Variants in SHANK2 observed in about 807,000 individuals in gnomAD.
SHANK2 encodes the protein SH3 and multiple ankyrin repeat domains 2, also known as SH3 and multiple ankyrin repeat domains protein 2.
In SHANK2, 43 loss-of-function variants were observed where a neutral mutation model predicts 133.7. The ratio of observed to expected loss-of-function variants is 0.32; its 90% CI spans 0.25 to 0.41. SHANK2 has a LOEUF of 0.41. Among genes scored for constraint, SHANK2 ranks in the 10% least tolerant of loss-of-function variants. The pLI, the probability that SHANK2 is intolerant of heterozygous loss-of-function variation, is 1.00. For missense variants in SHANK2, 1,994 were observed against 2,235.8 expected (o/e 0.89, Z 2.18); for synonymous variants, 1,017 against 952.8 (o/e 1.07, Z -1.24).
intron 9 of SHANK2, among the ~76,000 whole-genome samples, chr11:71,065,640 C>G (rs1951043397): frequency 8.5e-6 from 1 of 117,978 alleles, no homozygotes; most frequent in Non-Finnish European, 1.7e-5. Flanking sequence ...AGAACTCTCC[C>G]AGGGAGATGA....
intron 17 of SHANK2, among the ~76,000 whole-genome samples, chr11:70,610,054 T>C (rs1591645697): frequency 6.7e-6 from 1 of 149,170 alleles, no homozygotes; most frequent in South Asian, 2.1e-4. Flanking sequence ...CAGGGAGGGG[T>C]GAGGGGAGCG....
intron 11 of SHANK2, among the ~76,000 whole-genome samples, chr11:70,822,768 G>C (rs9734461): frequency 0.11 from 3,716 of 34,120 alleles, 517 homozygotes; most frequent in Admixed American, 0.18. Flanking sequence ...GCTGGCAGAG[G>C]TCATGGGGGA....
intron 10 of SHANK2, among the ~76,000 whole-genome samples, chr11:70,926,160 C>T (rs1407928580): frequency 6.6e-6 from 1 of 152,150 alleles, no homozygotes; most frequent in Admixed American, 6.5e-5. Flanking sequence ...GTAGTAACAG[C>T]ACTTTGGGAG....
At chr11:71,086,114 TATATAATATATTAAATTATATA>T (rs1951404898) in intron 8 of SHANK2, among the ~76,000 whole-genome samples, 1 of 46,748 alleles carries the variant, frequency 2.1e-5, no homozygotes, top group Non-Finnish European at 3.5e-5. Flanking sequence ...TATATTATGT[TATATAATATATTAAATTATATA>T]ATATATTATG....
chr11:70,642,396 C>A (rs1474773993), intron 17 of SHANK2, among the ~76,000 whole-genome samples: 4 of 152,198 alleles, frequency 2.6e-5, no homozygotes, highest in Non-Finnish European at 5.9e-5. Context: ...AGCTAACAAA[C>A]CAACCAGTGA....
At chr11:70,568,229 G>A (rs1195302504) in intron 17 of SHANK2, among the ~76,000 whole-genome samples, 4 of 152,232 alleles carry the variant, frequency 2.6e-5, no homozygotes, top group Non-Finnish European at 5.9e-5. Context: ...GAGGAGGCTG[G>A]AGCCAGGGAT....
chr11:70,818,197 A>G (rs1316210316), intron 12 of SHANK2, among the ~76,000 whole-genome samples: 1 of 152,186 alleles, frequency 6.6e-6, no homozygotes, highest in Non-Finnish European at 1.5e-5. Flanking sequence ...CACATACACA[A>G]TGATTCTCTC....
intron 11 of SHANK2, among the ~76,000 whole-genome samples, chr11:70,829,666 G>A (rs899135679): frequency 4.4e-4 from 67 of 152,124 alleles, no homozygotes; most frequent in Non-Finnish European, 1.0e-4. Flanking sequence ...GGAATCCAGG[G>A]AACACCCCCA....
intron 1 of SHANK2, among the ~76,000 whole-genome samples, chr11:71,249,015 A>G (rs1555125433): frequency 6.6e-6 from 1 of 152,196 alleles, no homozygotes; most frequent in Non-Finnish European, 1.5e-5. Flanking sequence ...TCACGCGGAA[A>G]GAAACAAATA....
Position 70,871,558 on chromosome 11 carries a change from G to A in SHANK2, c.1174+24943C>T, listed in dbSNP as rs180895098. 8.4e-4 allele frequency among the ~76,000 whole-genome samples: 128 copies of A among 152,316 alleles called. 1 individual carries two copies. The East Asian group carries it at 0.021, about 25-fold the overall frequency. On this transcript the variant is annotated intron_variant, in intron 11 of 25. Coordinates refer to ENST00000601538, the MANE Select transcript of SHANK2 (RefSeq NM_012309.5). ...GGAGAGGCTGTGCCTGGGACCCTGC[G>A]GATTCCCCAACACATTTGCTGAACA...
chr11:70,669,885 C>T lies in SHANK2; in HGVS notation c.1854-8207G>A, dbSNP rs574159324. Reference sequence around the variant, plus strand: ...GGGAATCACAGGAGCTGCTGGGGAACGATCAGTGTATCACTCACGGCCAAA... The same window carrying T: ...GGGAATCACAGGAGCTGCTGGGGAATGATCAGTGTATCACTCACGGCCAAA... On this transcript the variant is annotated intron_variant, in intron 15 of 25. Coordinates refer to ENST00000601538, the MANE Select transcript of SHANK2 (RefSeq NM_012309.5). 5.3e-5 allele frequency among the ~76,000 whole-genome samples: 8 copies of T among 152,190 alleles called. No individual in the cohort carries two copies. The South Asian group carries it at 6.2e-4, about 12-fold the overall frequency.
chr11:70,739,104 T>G lies in SHANK2; in HGVS notation c.1778-40341A>C, dbSNP rs1239970793. Among the ~76,000 whole-genome samples, 1 of 152,018 alleles carries G rather than the reference T, an allele frequency of 6.6e-6. No homozygotes were observed. The highest frequency in any genetic ancestry group is 2.4e-5 in the African/African-American group (1 of 41,374). On this transcript the variant is annotated intron_variant, in intron 14 of 25. Transcript: ENST00000601538. The surrounding 1 kb of genome is among the most constrained non-coding windows in gnomAD (Gnocchi z 4.3). Reference sequence around the variant, plus strand: ...CCCATTGTCTGGGGACAGGACACACTCCACTTTATCTCCTGGCCAGTGAGT... The same window carrying G: ...CCCATTGTCTGGGGACAGGACACACGCCACTTTATCTCCTGGCCAGTGAGT...
chr11:70,490,785 C>T (rs2058875555), intron 22 of SHANK2, among the ~76,000 whole-genome samples: 1 of 152,218 alleles, frequency 6.6e-6, no homozygotes, highest in African/African-American at 2.4e-5. Context: ...CCATACCCCA[C>T]TCCCCATGTG....
intron 17 of SHANK2, among the ~76,000 whole-genome samples, chr11:70,582,624 C>T (rs2060198587): frequency 6.6e-6 from 1 of 152,230 alleles, no homozygotes; most frequent in African/African-American, 2.4e-5. Context: ...TTCACAGGTC[C>T]TGGTGGGCAC....
At chr11:71,133,291 CGGCT>C (rs542164003) in intron 3 of SHANK2, among the ~76,000 whole-genome samples, 37 of 111,292 alleles carry the variant, frequency 3.3e-4, no homozygotes, top group South Asian at 8.8e-4. Flanking sequence ...GCCGGCCGGA[CGGCT>C]GGCTGGCTGG....
intron 11 of SHANK2, among the ~76,000 whole-genome samples, chr11:70,883,884 A>G (rs1364183919): frequency 1.3e-5 from 2 of 152,196 alleles, no homozygotes; most frequent in Non-Finnish European, 2.9e-5. Flanking sequence ...GGGGACCAGG[A>G]AGGAGGAATC....
chr11:70,910,227 G>A (rs1484019048), intron 10 of SHANK2, among the ~76,000 whole-genome samples: 1 of 152,174 alleles, frequency 6.6e-6, no homozygotes, highest in East Asian at 1.9e-4. Flanking sequence ...AATTTAGGGG[G>A]ACACCACTCA....
rs1591742023 is a variant in SHANK2 at position 70,680,228 on chromosome 11, C to A, written c.1853+18460G>T. 2.0e-5 allele frequency among the ~76,000 whole-genome samples: 3 copies of A among 152,216 alleles called. No homozygotes were observed. In the South Asian group the frequency reaches 6.2e-4, roughly 32 times the overall value. On this transcript the variant is annotated intron_variant, in intron 15 of 25. Transcript: ENST00000601538. ...AGAGCGGGTTCTCAACCTCTTCAGT[C>A]TATGCATTGAATGCTTGCAAGCACT...
intron 14 of SHANK2, among the ~76,000 whole-genome samples, chr11:70,710,237 C>A (rs904038780): frequency 6.6e-6 from 1 of 152,204 alleles, no homozygotes; most frequent in African/African-American, 2.4e-5. Flanking sequence ...CTCAGGCAGG[C>A]CTGGCTCCCT....
Sources: allele counts gnomAD v4.1 joint callset (sites outside exome capture counted in the v4.1 genomes callset), GRCh38; gene constraint gnomAD v4.1.1; non-coding constraint Gnocchi (gnomAD v3.1); transcripts MANE v1.5; gene names NCBI Gene and HGNC (gene_info 2026-07-23, HGNC 2026-07-21).